GALK1: variants seen among roughly 807,000 people sequenced by gnomAD.
The protein encoded by GALK1 is galactokinase.
Under a neutral mutation model 38.6 loss-of-function variants are expected in GALK1, and 30 were observed. The ratio of observed to expected loss-of-function variants is 0.78; its 90% CI spans 0.58 to 1.05. GALK1 has a LOEUF of 1.05. GALK1 is among the 50% of genes least tolerant of loss of function. GALK1 has a pLI of 0.00. For missense variants in GALK1, 512 were observed against 540.5 expected (o/e 0.95, Z 0.52); for synonymous variants, 240 against 233.6 (o/e 1.03, Z -0.25).
intron 1 of GALK1, chr17:75,764,593 G>A: frequency 2.2e-6 from 1 of 452,160 alleles, no homozygotes; most frequent in Non-Finnish European, 4.3e-6. Flanking sequence ...TGGGCCAGAA[G>A]GCTACGTTCG....
downstream of GALK1, chr17:75,755,276 A>G (rs2061470267): frequency 6.5e-7 from 1 of 1,538,490 alleles, no homozygotes; most frequent in Non-Finnish European, 8.8e-7. Flanking sequence ...TCCAGCCACC[A>G]TAGCAGCCGC....
At chr17:75,762,628 G>A (rs2061591950) in intron 5 of GALK1, 76 bp downstream of exon 5, 1 of 1,510,944 alleles carries the variant, frequency 6.6e-7, no homozygotes, top group Admixed American at 1.7e-5. Context: ...GGGGTCCCAG[G>A]CAGGGTCAAG....
chr17:75,758,475 G>A lies in GALK1; in HGVS notation c.918C>T (p.Leu306=). The A allele has an allele frequency of 1.3e-6, 2 of 1,576,034 alleles. No individual in the cohort carries two copies. The highest frequency in any genetic ancestry group is 1.7e-6 in the Non-Finnish European group (2 of 1,162,956). The change falls in exon 6 of 8, where the codon CTC becomes CTT. Residue 306 remains leucine (L), a synonymous_variant. Coordinates refer to ENST00000588479, the MANE Select transcript of GALK1 (RefSeq NM_000154.2). ...RRGDYRAFGR[L]MVESHRSLRD... is the part of the protein sequence containing the mutation. Reference sequence around the variant, plus strand: ...TGAGTGAGCGGTGGCTCTCCACCATGAGGCGGCCAAAGGCTCTGTAGTCGC... The same window carrying A: ...TGAGTGAGCGGTGGCTCTCCACCATAAGGCGGCCAAAGGCTCTGTAGTCGC...
At chr17:75,757,268 A>G, downstream of GALK1, 1 of 1,611,116 alleles carries the variant, frequency 6.2e-7, no homozygotes, top group Non-Finnish European at 8.5e-7. Flanking sequence ...GTACAGCAGC[A>G]TCACCACCAC....
At position 75,758,321 on chromosome 17, in the gene GALK1, C is replaced by G; in HGVS notation, c.996G>C (p.Ala332=). 1 of 1,593,922 alleles carries G rather than the reference C, an allele frequency of 6.3e-7. No homozygotes were observed. The highest frequency in any genetic ancestry group is 8.5e-7 in the Non-Finnish European group (1 of 1,171,202). ...TGCCATAAACCCCAGGCACAGCAAG[C>G]GCAGCCTCCACCAGCTGGTCCAGCT... ...CPELDQLVEA[A]LAVPGVYGSR... Residue 332 remains alanine (A), a synonymous_variant, in exon 7 of 8, where the codon GCG becomes GCC. Coordinates refer to ENST00000588479, the MANE Select transcript of GALK1 (RefSeq NM_000154.2).
downstream of GALK1, chr17:75,753,899 G>A (rs2061426511): frequency 6.2e-6 from 8 of 1,299,870 alleles, no homozygotes; most frequent in Non-Finnish European, 7.8e-6. Context: ...GGCGCCCCAC[G>A]GGCCCCCGGA....
chr17:75,759,433 A>AAAAAAAAG (rs10670567), intron 5 of GALK1, among the ~76,000 whole-genome samples: 1 of 149,472 alleles, frequency 6.7e-6, no homozygotes, highest in Admixed American at 6.6e-5. Context: ...CTCTCAAAAA[A>AAAAAAAAG]AAAGAAAGAA....
chr17:75,758,051 G>T lies in GALK1; in HGVS notation c.*5C>A. The T allele has an allele frequency of 6.2e-7, 1 of 1,612,758 alleles. No individual in the cohort carries two copies. Among genetic ancestry groups the T allele is most frequent in the African/African-American group, 1.3e-5 (1 of 75,040 alleles). On this transcript the variant is annotated 3_prime_UTR_variant, in exon 8 of 8. Coordinates refer to ENST00000588479, the MANE Select transcript of GALK1 (RefSeq NM_000154.2). ...ACCCTCACCGTGTGCTGTCCTGGGG[G>T]TGCCTCACAAGCACAGCACCTTGGC...
At position 75,761,589 on chromosome 17, in the gene GALK1, C is replaced by A. The variant is rs182669515; in HGVS notation, c.793+1115G>T. On this transcript the variant is annotated intron_variant, in intron 5 of 7. Transcript: ENST00000588479. Reference sequence around the variant, plus strand: ...CCGAGATTGCGCCACTGCACTCCAGCCTGGGCAACAGGGCAAGCCTCCACC... The same window carrying A: ...CCGAGATTGCGCCACTGCACTCCAGACTGGGCAACAGGGCAAGCCTCCACC... Among the ~76,000 whole-genome samples, 32 of 146,276 alleles carry A rather than the reference C, an allele frequency of 2.2e-4. No homozygotes were observed. In the East Asian group the frequency reaches 6.4e-3, roughly 29 times the overall value.
In GALK1 at chr17:75,763,363, G is replaced by C. The variant is rs150323432; in HGVS notation, c.432C>G (p.Ser144=). 6.2e-7 allele frequency: 1 copy of C among 1,613,944 alleles called. No homozygotes were observed. The highest frequency in any genetic ancestry group is 2.2e-5 in the East Asian group (1 of 44,874). The change falls in exon 3 of 8, where the codon TCC becomes TCG. Residue 144 remains serine (S), a synonymous_variant. Transcript: ENST00000588479. ...GGAAGGTGTACGTGGCCACTTCCAA[G>C]GATGCTGAGCTGGACAGGCCACCCC... is the stretch of plus-strand genomic sequence containing the variant. ...PLGGGLSSSA[S]LEVATYTFLQ...
intron 5 of GALK1, among the ~76,000 whole-genome samples, chr17:75,759,191 G>A (rs1448047844): frequency 6.6e-6 from 1 of 152,200 alleles, no homozygotes; most frequent in African/African-American, 2.4e-5. Context: ...ACTTTGGGAA[G>A]CTGAGGCAGG....
chr17:75,758,786 C>T (rs1417011406), intron 5 of GALK1, among the ~76,000 whole-genome samples, 187 bp from the exon 6 acceptor site: 1 of 152,190 alleles, frequency 6.6e-6, no homozygotes, highest in African/African-American at 2.4e-5. Context: ...TGCCTCCTCC[C>T]CCGACTGTAA....
chr17:75,752,526 G>A (rs370453421), intron 8 of GALK1: 8 of 1,613,606 alleles, frequency 5.0e-6, no homozygotes, highest in East Asian at 2.2e-5. Context: ...CAGCGATGAC[G>A]TTCTACGCTC....
At position 75,763,100 on chromosome 17, in the gene GALK1, G is replaced by A. The variant is rs1452282837; in HGVS notation, c.525C>T (p.His175=). The A allele has an allele frequency of 1.2e-6, 2 of 1,612,606 alleles. No homozygotes were observed. The highest frequency in any genetic ancestry group is 1.7e-5 in the Admixed American group (1 of 60,026). Residue 175 remains histidine (H), a synonymous_variant, in exon 4 of 8, where the codon CAC becomes CAT. Coordinates refer to ENST00000588479, the MANE Select transcript of GALK1 (RefSeq NM_000154.2). ...ARAQVCQQAE[H]SFAGMPCGIM... is the part of the protein sequence containing the mutation. ...TGCCACAGGGCATCCCTGCGAAGCT[G>A]TGCTCGGCCTGCTGACACACCTGGG...
At chr17:75,757,866 G>C (rs1192008180), downstream of GALK1, 1 of 710,284 alleles carries the variant, frequency 1.4e-6, no homozygotes, top group Non-Finnish European at 2.4e-6. Flanking sequence ...GCTCCCCTAG[G>C]GTAGGGGAGC....
chr17:75,764,899 TC>T, intron 1 of GALK1, 72 bp downstream of exon 1: 1 of 1,514,414 alleles, frequency 6.6e-7, no homozygotes, highest in Non-Finnish European at 9.0e-7. Flanking sequence ...GCCCCCAGCG[TC>T]CCCGAGGCCC....
chr17:75,751,792 C>T (rs573768722), intron 8 of GALK1: 15 of 316,360 alleles, frequency 4.7e-5, no homozygotes, highest in Non-Finnish European at 8.5e-5. Flanking sequence ...TCTAGCAGCC[C>T]GAGATCAGAG....
At chr17:75,763,472 G>T in intron 2 of GALK1, 33 bp from the exon 3 acceptor site, 1 of 1,560,316 alleles carries the variant, frequency 6.4e-7, no homozygotes, top group South Asian at 1.2e-5. Context: ...TGGTAAGAGG[G>T]GCTGCCTGGG....
At chr17:75,756,800 G>A (rs200991558), downstream of GALK1, 34 of 1,612,644 alleles carry the variant, frequency 2.1e-5, no homozygotes, top group East Asian at 2.9e-4. Flanking sequence ...GAGCGGCCAC[G>A]GAGGCCCAAT....
Sources: allele counts gnomAD v4.1 joint callset (sites outside exome capture counted in the v4.1 genomes callset), GRCh38; gene constraint gnomAD v4.1.1; transcripts MANE v1.5; gene names NCBI Gene and HGNC (gene_info 2026-07-23, HGNC 2026-07-21).